Variants in PGM2L1 observed in about 807,000 individuals in gnomAD.
The protein encoded by PGM2L1 is glucose 1,6-bisphosphate synthase.
In PGM2L1, 35 loss-of-function variants were observed where a neutral mutation model predicts 73.4. That is an observed-to-expected ratio of 0.48 (90% confidence interval 0.36 to 0.63). The LOEUF (loss-of-function observed/expected upper bound fraction) is 0.63, where lower values mean the gene tolerates loss of function less well. Among genes scored for constraint, PGM2L1 ranks in the 30% least tolerant of loss-of-function variants. The probability of loss-of-function intolerance (pLI) is 0.00; values close to 1 mark genes in which losing one functional copy is unlikely to be tolerated. For missense variants in PGM2L1, 570 were observed against 742.0 expected (o/e 0.77, Z 2.69); for synonymous variants, 225 against 253.8 (o/e 0.89, Z 1.08).
chr11:74,351,240 T>G (rs1258749459), intron 6 of PGM2L1, 143 bp downstream of exon 6: 7 of 745,950 alleles, frequency 9.4e-6, no homozygotes, highest in Non-Finnish European at 1.0e-5. Flanking sequence ...TTACTTGGGT[T>G]ATTTCCACTC....
intron 1 of PGM2L1, among the ~76,000 whole-genome samples, chr11:74,377,157 CG>C (rs1446168801): frequency 7.0e-6 from 1 of 143,686 alleles, no homozygotes; most frequent in East Asian, 2.0e-4. Context: ...TTTTTTGAGA[CG>C]GAGTCTCGCT....
At chr11:74,369,865 G>A (rs1862725275) in intron 4 of PGM2L1, among the ~76,000 whole-genome samples, 2 of 152,066 alleles carry the variant, frequency 1.3e-5, no homozygotes, top group South Asian at 4.2e-4. Context: ...TCGTGCCCCA[G>A]CCTCCTGAGT....
intron 9 of PGM2L1, among the ~76,000 whole-genome samples, chr11:74,343,806 T>C (rs552942611): frequency 8.1e-6 from 1 of 123,116 alleles, no homozygotes; most frequent in South Asian, 2.7e-4. Context: ...TGAGACGGAG[T>C]CTCGCTCTGT....
intron 5 of PGM2L1, chr11:74,355,665 C>A: frequency 2.0e-6 from 1 of 500,324 alleles, no homozygotes; most frequent in Non-Finnish European, 4.0e-6. Context: ...AATTATGAAA[C>A]CAAGGTGGCT....
chr11:74,384,075 T>C (rs961503077), intron 1 of PGM2L1, among the ~76,000 whole-genome samples: 3 of 152,018 alleles, frequency 2.0e-5, no homozygotes, highest in Middle Eastern at 3.4e-3. Flanking sequence ...ATGAATAGCA[T>C]GTTAGACCTT....
intron 1 of PGM2L1, among the ~76,000 whole-genome samples, chr11:74,392,601 C>T (rs936954831): frequency 4.6e-5 from 7 of 151,370 alleles, no homozygotes; most frequent in Non-Finnish European, 1.0e-4. Flanking sequence ...AGTGCAGTGG[C>T]GCGATGTCGG....
intron 5 of PGM2L1, among the ~76,000 whole-genome samples, chr11:74,365,656 A>T (rs1014034108): frequency 4.7e-4 from 71 of 152,182 alleles, no homozygotes; most frequent in African/African-American, 1.7e-3. Context: ...TCAAAACCAC[A>T]ATGAGATACC....
chr11:74,371,627 A>G, intron 3 of PGM2L1, 84 bp downstream of exon 3: 3 of 1,123,192 alleles, frequency 2.7e-6, no homozygotes, highest in Non-Finnish European at 4.0e-6. Flanking sequence ...CTACTGTTTC[A>G]GAAATCCTAC....
intron 12 of PGM2L1, among the ~76,000 whole-genome samples, chr11:74,339,370 T>TC (rs1021705713): frequency 5.5e-4 from 84 of 152,282 alleles, no homozygotes; most frequent in African/African-American, 1.7e-3. Context: ...AGTCCACACA[T>TC]CCGTCTGTTG....
In PGM2L1 at chr11:74,346,849, A is replaced by G. The variant is rs1311769417; in HGVS notation, c.940-20T>C. On this transcript the variant is annotated intron_variant, in intron 7 of 13. Transcript: ENST00000298198. ...AAGTTCCTGAAACAGTGACCCAAAA[A>G]GCTGGATTGTACTGAAGAACCTAAG... 6.3e-7 allele frequency: 1 copy of G among 1,576,304 alleles called. No individual in the cohort carries two copies. The highest frequency in any genetic ancestry group is 8.7e-7 in the Non-Finnish European group (1 of 1,145,738).
At chr11:74,383,290 TA>T (rs1862973487) in intron 1 of PGM2L1, among the ~76,000 whole-genome samples, 1 of 152,002 alleles carries the variant, frequency 6.6e-6, no homozygotes, top group Admixed American at 6.6e-5. Context: ...ATATAAACCA[TA>T]CATGCAATAC....
chr11:74,345,244 TTTTAAAGAA>T (rs1401740717), intron 9 of PGM2L1, among the ~76,000 whole-genome samples: 1 of 152,196 alleles, frequency 6.6e-6, no homozygotes, highest in Non-Finnish European at 1.5e-5. Context: ...TTAATGTAAT[TTTTAAAGAA>T]TATCTCATCT....
intron 5 of PGM2L1, among the ~76,000 whole-genome samples, chr11:74,356,280 A>C (rs1267513797): frequency 6.6e-6 from 1 of 152,220 alleles, no homozygotes; most frequent in Non-Finnish European, 1.5e-5. Context: ...GGATTACCCA[A>C]GCAAAATCAT....
chr11:74,350,147 CTGG>C (rs1459429243), intron 6 of PGM2L1, among the ~76,000 whole-genome samples: 1 of 152,062 alleles, frequency 6.6e-6, no homozygotes, highest in East Asian at 1.9e-4. Flanking sequence ...TTGATTAGAG[CTGG>C]TAGCATTTAG....
At chr11:74,396,871 C>A (rs1863184899) in intron 1 of PGM2L1, among the ~76,000 whole-genome samples, 1 of 152,140 alleles carries the variant, frequency 6.6e-6, no homozygotes, top group African/African-American at 2.4e-5. Flanking sequence ...ATACATATGA[C>A]CAATTAACAC....
Position 74,346,679 on chromosome 11 carries a change from AT to A in PGM2L1, c.1037+52del, listed in dbSNP as rs1201844602. On this transcript the variant is annotated intron_variant, in intron 8 of 13. Coordinates refer to ENST00000298198, the MANE Select transcript of PGM2L1 (RefSeq NM_173582.6). ...TTTCAATGAGCCTGTAAGACTTAAA[AT>A]ACATTGCTTTTCAAAGTTCAAGCTT... 4.8e-5 allele frequency: 67 copies of A among 1,405,654 alleles called. No individual in the cohort carries two copies. In the African/African-American group the frequency reaches 8.9e-4, roughly 19 times the overall value. The allele number at this position is 1,405,654 out of a possible 1,614,324, so 87.1% of individuals were successfully genotyped here. A position where few individuals can be genotyped will look rare whatever the true frequency, so the allele number is the denominator to read the frequency against.
chr11:74,397,937 C>G, intron 1 of PGM2L1, 114 bp downstream of exon 1: 5 of 1,379,532 alleles, frequency 3.6e-6, no homozygotes, highest in East Asian at 2.7e-5. Flanking sequence ...CGCTGCCCCC[C>G]GCTCGGTGTC....
chr11:74,365,434 C>G (rs934133397), intron 5 of PGM2L1, among the ~76,000 whole-genome samples: 1 of 152,042 alleles, frequency 6.6e-6, no homozygotes, highest in Non-Finnish European at 1.5e-5. Flanking sequence ...AGGCAACCTA[C>G]AGAATGGGAG....
In PGM2L1 at chr11:74,364,423, T is replaced by C. The variant is rs1158128665; in HGVS notation, c.555+4069A>G. ...TCAGTTAGGAAAAGAAGAAGTCAAA[T>C]TGTCCCTGTTTGCACATGACATGAT... On this transcript the variant is annotated intron_variant, in intron 5 of 13. Transcript: ENST00000298198. Among the ~76,000 whole-genome samples the C allele has an allele frequency of 2.0e-5, 3 of 152,328 alleles. No individual in the cohort carries two copies. The East Asian group carries it at 5.8e-4, about 29-fold the overall frequency.
Sources: allele counts gnomAD v4.1 joint callset (sites outside exome capture counted in the v4.1 genomes callset), GRCh38; gene constraint gnomAD v4.1.1; transcripts MANE v1.5; gene names NCBI Gene and HGNC (gene_info 2026-07-23, HGNC 2026-07-21).